The following ATE1 variants were observed in gnomAD, a reference collection of about 807,000 sequenced individuals.
ATE1 encodes the protein arginyl-tRNA--protein transferase 1.
ATE1 carries 36 observed loss-of-function variants against 70.5 expected under a neutral mutation model. The observed-to-expected ratio is 0.51, with a 90% CI of 0.39 to 0.67. The LOEUF is 0.67. ATE1 is among the 30% of genes least tolerant of loss of function. ATE1 has a pLI of 0.00. For synonymous variants in ATE1, 232 were observed against 219.3 expected (o/e 1.06, Z -0.51); for missense variants, 593 against 629.5 (o/e 0.94, Z 0.62).
intron 11 of ATE1, among the ~76,000 whole-genome samples, chr10:121,779,621 T>C (rs978179000): frequency 3.3e-5 from 1 of 30,284 alleles, no homozygotes; most frequent in Non-Finnish European, 1.1e-4. Flanking sequence ...GTTTTCATCT[T>C]TCTTGTAGAA....
chr10:121,855,432 A>G (rs1949211813), intron 8 of ATE1, among the ~76,000 whole-genome samples: 1 of 152,176 alleles, frequency 6.6e-6, no homozygotes, highest in Non-Finnish European at 1.5e-5. Flanking sequence ...GTCTAATTGT[A>G]TATTTGTGAG....
At chr10:121,928,079 G>T (rs1250177966), upstream of ATE1, 2 of 1,206,088 alleles carry the variant, frequency 1.7e-6, no homozygotes, top group Non-Finnish European at 2.1e-6. Flanking sequence ...GGCGCCCGCA[G>T]GCCCGGCCGG....
At chr10:121,924,461 G>GATT in intron 1 of ATE1, 132 bp from the exon 2 acceptor site, 3 of 802,760 alleles carry the variant, frequency 3.7e-6, no homozygotes, top group Non-Finnish European at 6.1e-6. Context: ...AGCACTCTGG[G>GATT]AGGCCAAGGC....
chr10:121,881,857 G>A (rs986093648), intron 7 of ATE1, among the ~76,000 whole-genome samples: 7 of 152,012 alleles, frequency 4.6e-5, no homozygotes, highest in Non-Finnish European at 8.8e-5. Flanking sequence ...GCAGCGGCAC[G>A]ACCTCGGCTC....
At chr10:121,759,026 C>T (rs1944925402) in intron 11 of ATE1, among the ~76,000 whole-genome samples, 1 of 152,144 alleles carries the variant, frequency 6.6e-6, no homozygotes, top group Admixed American at 6.5e-5. Context: ...TAAAAGGCCT[C>T]TAAGTGTTGC....
intron 11 of ATE1, among the ~76,000 whole-genome samples, chr10:121,784,405 A>C (rs921099858): frequency 6.6e-5 from 10 of 152,240 alleles, no homozygotes; most frequent in Admixed American, 6.5e-4. Flanking sequence ...CATACACACC[A>C]AATATTGTAG....
chr10:121,926,325 AC>A (rs1434589366), intron 1 of ATE1, among the ~76,000 whole-genome samples: 1 of 152,238 alleles, frequency 6.6e-6, no homozygotes, highest in African/African-American at 2.4e-5. Flanking sequence ...CTGGAGTCCA[AC>A]AGAAATATCC....
chr10:121,788,538 C>CA (rs765664493), intron 11 of ATE1, among the ~76,000 whole-genome samples: 23 of 152,110 alleles, frequency 1.5e-4, no homozygotes, highest in Non-Finnish European at 2.5e-4. Context: ...TTTTTTTACA[C>CA]AAAAAACCTG....
chr10:121,793,203 A>G (rs1184069300), intron 10 of ATE1, among the ~76,000 whole-genome samples: 1 of 150,340 alleles, frequency 6.7e-6, no homozygotes, highest in East Asian at 1.9e-4. Context: ...AATTAAAACC[A>G]TAACAAATTA....
chr10:121,865,957 C>T (rs930020893), intron 8 of ATE1, among the ~76,000 whole-genome samples: 22 of 152,186 alleles, frequency 1.4e-4, no homozygotes, highest in African/African-American at 5.1e-4. Flanking sequence ...AGTTTAAAGT[C>T]GGCTTTGTTT....
intron 10 of ATE1, among the ~76,000 whole-genome samples, chr10:121,825,280 T>C (rs1484441371): frequency 6.6e-6 from 1 of 152,230 alleles, no homozygotes; most frequent in Non-Finnish European, 1.5e-5. Context: ...CTCATTTCTA[T>C]TGAAGTTTTC....
chr10:121,928,312 G>T, upstream of ATE1: 1 of 1,510,534 alleles, frequency 6.6e-7, no homozygotes, highest in Non-Finnish European at 8.8e-7. Context: ...GCGGGGCGCG[G>T]CGGCCGCGCC....
intron 7 of ATE1, among the ~76,000 whole-genome samples, chr10:121,880,280 A>G (rs1039113687): frequency 3.3e-5 from 5 of 152,098 alleles, no homozygotes; most frequent in Non-Finnish European, 5.9e-5. Flanking sequence ...ATGTATTACT[A>G]ATGATCTTTA....
At chr10:121,800,672 A>C (rs750154656) in intron 10 of ATE1, among the ~76,000 whole-genome samples, 4 of 152,330 alleles carry the variant, frequency 2.6e-5, no homozygotes, top group Middle Eastern at 3.4e-3. Flanking sequence ...ACAACAACAA[A>C]AAAATTAACT....
intron 7 of ATE1, among the ~76,000 whole-genome samples, chr10:121,889,063 G>C (rs140326916): frequency 8.2e-4 from 125 of 152,060 alleles, no homozygotes; most frequent in Non-Finnish European, 1.5e-3. Flanking sequence ...ATCCAGTCTG[G>C]AGTTCAGTGG....
chr10:121,764,385 C>T (rs1286449019), intron 11 of ATE1, among the ~76,000 whole-genome samples: 1 of 151,238 alleles, frequency 6.6e-6, no homozygotes, highest in East Asian at 1.9e-4. Flanking sequence ...ACATGTAATC[C>T]CAACCCTTTG....
chr10:121,893,673 A>G (rs1442456646), intron 7 of ATE1, among the ~76,000 whole-genome samples: 3 of 152,178 alleles, frequency 2.0e-5, no homozygotes, highest in African/African-American at 7.2e-5. Flanking sequence ...AGTTCATATA[A>G]ATCTGAAGTC....
At chr10:121,774,856 T>TA (rs1945669369) in intron 11 of ATE1, among the ~76,000 whole-genome samples, 1 of 151,922 alleles carries the variant, frequency 6.6e-6, no homozygotes, top group Non-Finnish European at 1.5e-5. Flanking sequence ...AAATGAAGAT[T>TA]AAAAAAAGAA....
At chr10:121,746,189 T>A (rs191472653) in intron 11 of ATE1, among the ~76,000 whole-genome samples, 56 of 152,318 alleles carry the variant, frequency 3.7e-4, no homozygotes, top group Non-Finnish European at 6.5e-4. Flanking sequence ...TCTTTCTTCA[T>A]AGCACTTACC....
Sources: gnomAD v4.1 joint callset for allele counts (sites outside exome capture counted in the v4.1 genomes callset) on GRCh38, gnomAD v4.1.1 for gene constraint, MANE v1.5 for transcripts, NCBI Gene and HGNC (gene_info 2026-07-23, HGNC 2026-07-21) for gene names.